Variants in CSMD1 observed in about 807,000 individuals in gnomAD.
The protein encoded by CSMD1 is CUB and Sushi multiple domains 1.
A neutral mutation model predicts 417.5 loss-of-function variants in CSMD1; 213 were observed. The observed-to-expected ratio is 0.51, with a 90% confidence interval of 0.46 to 0.57. CSMD1 has a LOEUF of 0.57. CSMD1 is among the 20% of genes least tolerant of loss of function. The pLI, the probability that CSMD1 is intolerant of heterozygous loss-of-function variation, is 0.00. For missense variants in CSMD1, 6,923 were observed against 4,529.7 expected (o/e 1.53, Z -15.17); for synonymous variants, 2,862 against 1,736.8 (o/e 1.65, Z -16.11).
intron 5 of CSMD1, among the ~76,000 whole-genome samples, chr8:3,983,135 CT>C (rs201667296): frequency 3.5e-4 from 47 of 133,464 alleles, no homozygotes; most frequent in Admixed American, 7.5e-4. Context: ...ATCTTTCTTT[CT>C]TTTTTTTTTT....
At chr8:3,563,114 T>G (rs1379292678) in intron 10 of CSMD1, among the ~76,000 whole-genome samples, 1 of 152,084 alleles carries the variant, frequency 6.6e-6, no homozygotes, top group Non-Finnish European at 1.5e-5. Flanking sequence ...TTATAAATAT[T>G]TTCAAGAATT....
intron 3 of CSMD1, among the ~76,000 whole-genome samples, chr8:4,304,936 C>G (rs982733324): frequency 3.3e-5 from 5 of 152,070 alleles, no homozygotes; most frequent in African/African-American, 1.2e-4. Context: ...AACAAGTACT[C>G]TTTTATCAGG....
chr8:3,517,125 G>C (rs527747565), intron 10 of CSMD1, among the ~76,000 whole-genome samples: 6 of 152,290 alleles, frequency 3.9e-5, no homozygotes, highest in East Asian at 1.9e-4. Flanking sequence ...CCATGGTGTG[G>C]CTAGCTCCCT....
Position 4,277,707 on chromosome 8 carries a change from G to C in CSMD1, c.415+142246C>G, listed in dbSNP as rs1445866586. Among the ~76,000 whole-genome samples the C allele has an allele frequency of 6.6e-5, 10 of 152,214 alleles. No homozygotes were observed. In the South Asian group the frequency reaches 1.2e-3, roughly 19 times the overall value. On this transcript the variant is annotated intron_variant, in intron 3 of 69. Coordinates refer to ENST00000635120, the MANE Select transcript of CSMD1 (RefSeq NM_033225.6). ...GACAGAATTTAAGAAACTCCTTAAA[G>C]TGTTAACATAATTAGACCTTACCCA...
At chr8:3,958,454 T>C (rs1186175197) in intron 5 of CSMD1, among the ~76,000 whole-genome samples, 3 of 152,224 alleles carry the variant, frequency 2.0e-5, no homozygotes, top group Non-Finnish European at 4.4e-5. Flanking sequence ...ATATTTGTTT[T>C]ATTTTTAAAA....
At chr8:3,814,225 T>G (rs957845868) in intron 5 of CSMD1, among the ~76,000 whole-genome samples, 2 of 152,212 alleles carry the variant, frequency 1.3e-5, no homozygotes, top group African/African-American at 2.4e-5. Flanking sequence ...TCAGCTCGTC[T>G]GCATTCTGAA....
chr8:4,406,358 G>C (rs1189635843), intron 3 of CSMD1, among the ~76,000 whole-genome samples: 2 of 152,116 alleles, frequency 1.3e-5, no homozygotes, highest in African/African-American at 2.4e-5. Context: ...TTTAGGGAAA[G>C]AGAGATGACA....
rs1313847805 is a variant in CSMD1 at position 4,515,401 on chromosome 8, G to A, written c.303-95336C>T. On this transcript the variant is annotated intron_variant, in intron 2 of 69. Transcript: ENST00000635120. Reference sequence around the variant, plus strand: ...TGTTAAATGTTATGGGACCCATGAAGAGGCGTCTTTGTCTGCTTGACAAAG... The same window carrying A: ...TGTTAAATGTTATGGGACCCATGAAAAGGCGTCTTTGTCTGCTTGACAAAG... Among the ~76,000 whole-genome samples, 14 of 152,300 alleles carry A rather than the reference G, an allele frequency of 9.2e-5. No individual in the cohort carries two copies. The East Asian group carries it at 2.7e-3, about 29-fold the overall frequency.
At chr8:3,711,366 A>C (rs1035608174) in intron 6 of CSMD1, among the ~76,000 whole-genome samples, 7 of 152,170 alleles carry the variant, frequency 4.6e-5, no homozygotes, top group Non-Finnish European at 8.8e-5. Flanking sequence ...AGGGCTGGCC[A>C]GAGGGTGGCT....
At chr8:4,018,770 T>C (rs1011345240) in intron 4 of CSMD1, among the ~76,000 whole-genome samples, 1 of 152,164 alleles carries the variant, frequency 6.6e-6, no homozygotes, top group South Asian at 2.1e-4. Flanking sequence ...TGGCACAGAC[T>C]CTGTAGCCAA....
At chr8:3,863,599 C>G (rs968378871) in intron 5 of CSMD1, among the ~76,000 whole-genome samples, 2 of 152,042 alleles carry the variant, frequency 1.3e-5, no homozygotes, top group African/African-American at 4.8e-5. Flanking sequence ...TGACATCAAA[C>G]CTTGCAGTAG....
intron 1 of CSMD1, among the ~76,000 whole-genome samples, chr8:4,793,525 C>T (rs1468694220): frequency 3.3e-5 from 5 of 151,982 alleles, no homozygotes; most frequent in Non-Finnish European, 7.4e-5. Context: ...CACCAGGGCA[C>T]AGTCATAGCT....
At chr8:4,934,248 A>G (rs1327539149) in intron 1 of CSMD1, among the ~76,000 whole-genome samples, 4 of 152,204 alleles carry the variant, frequency 2.6e-5, no homozygotes, top group Non-Finnish European at 5.9e-5. Flanking sequence ...CAAGGCAGAA[A>G]AAAATAAATA....
chr8:4,943,029 G>C (rs1445953479), intron 1 of CSMD1, among the ~76,000 whole-genome samples: 15 of 152,052 alleles, frequency 9.9e-5, no homozygotes, highest in Admixed American at 9.2e-4. Context: ...CTTTCTTTGA[G>C]GAAGACCAAA....
chr8:3,310,409 G>A (rs1805237132), intron 23 of CSMD1, among the ~76,000 whole-genome samples: 2 of 152,174 alleles, frequency 1.3e-5, no homozygotes, highest in Admixed American at 1.3e-4. Context: ...GCCCAGCATT[G>A]GGGATGACCA....
chr8:4,704,062 T>C (rs79335902), intron 1 of CSMD1, among the ~76,000 whole-genome samples: 6,595 of 152,290 alleles, frequency 0.043, 154 homozygotes, highest in East Asian at 0.095. Context: ...CCCTGGCTGC[T>C]CACCTCCAGC....
At chr8:3,177,092 C>A (rs768617941) in intron 37 of CSMD1, among the ~76,000 whole-genome samples, 1 of 152,126 alleles carries the variant, frequency 6.6e-6, no homozygotes, top group Non-Finnish European at 1.5e-5. Context: ...GACCTCATTT[C>A]TAAAGGACAA....
At chr8:4,817,272 G>A (rs1273754810) in intron 1 of CSMD1, among the ~76,000 whole-genome samples, 1 of 152,094 alleles carries the variant, frequency 6.6e-6, no homozygotes, top group Non-Finnish European at 1.5e-5. Context: ...ACTAATATGT[G>A]TGCCAGGCCT....
chr8:3,255,601 G>A (rs560165493), intron 26 of CSMD1, among the ~76,000 whole-genome samples: 1 of 152,188 alleles, frequency 6.6e-6, no homozygotes, highest in Non-Finnish European at 1.5e-5. Flanking sequence ...CTGCAGCCCT[G>A]CAGTTTGATC....
Sources: allele counts gnomAD v4.1 joint callset (sites outside exome capture counted in the v4.1 genomes callset), GRCh38; gene constraint gnomAD v4.1.1; transcripts MANE v1.5; gene names NCBI Gene and HGNC (gene_info 2026-07-23, HGNC 2026-07-21).